FKBP10: variants seen among roughly 807,000 people sequenced by gnomAD.
FKBP10 encodes the protein peptidyl-prolyl cis-trans isomerase FKBP10.
FKBP10 carries 34 observed loss-of-function variants against 53.7 expected under a neutral mutation model. The ratio of observed to expected loss-of-function variants is 0.63; its 90% CI spans 0.48 to 0.84. The LOEUF (loss-of-function observed/expected upper bound fraction) is 0.84. Among genes scored for constraint, FKBP10 ranks in the 40% least tolerant of loss-of-function variants. The pLI is 0.00. For missense variants in FKBP10, 748 were observed against 797.8 expected (o/e 0.94, Z 0.75); for synonymous variants, 324 against 335.7 (o/e 0.97, Z 0.38).
intron 4 of FKBP10, 46 bp from the exon 5 acceptor site, chr17:41,819,164 C>T (rs2047854744): frequency 6.2e-7 from 1 of 1,603,168 alleles, no homozygotes; most frequent in Non-Finnish European, 8.5e-7. Flanking sequence ...GAAGGAGCCT[C>T]GGCTTGCTCC....
At chr17:41,822,117 G>GA (rs2047899790) in intron 9 of FKBP10, 106 bp from the exon 10 acceptor site, 5 of 1,183,882 alleles carry the variant, frequency 4.2e-6, no homozygotes, top group African/African-American at 1.5e-5. Flanking sequence ...GGGAGCCTGG[G>GA]AAAAAAGAAG....
At chr17:41,817,950 AACAAAAAT>A in intron 2 of FKBP10, 131 bp from the exon 3 acceptor site, 1 of 925,046 alleles carries the variant, frequency 1.1e-6, no homozygotes, top group Admixed American at 2.1e-5. Flanking sequence ...AAAAAAAAAA[AACAAAAAT>A]AGTGGCATCT....
rs1555615688 is a variant in FKBP10 at position 41,813,188 on chromosome 17, C to T, written c.154C>T (p.Pro52Ser). The stretch of plus-strand genomic sequence containing the variant: ...TGTGGTCATCGAGAGGTACCACATC[C>T]CCAGGGCCTGTCCCCGGGAAGTGCA... ...EDVVIERYHI[P>S]RACPREVQMG... Residue 52 changes from proline (P) to serine (S), a missense_variant, in exon 1 of 10, where the codon CCC (proline) becomes TCC (serine). Physicochemically the swap from Pro to Ser is moderately conservative, Grantham distance 74 (BLOSUM62 -1). Transcript: ENST00000321562. 1.2e-6 allele frequency: 2 copies of T among 1,613,216 alleles called. No individual in the cohort carries two copies. The highest frequency in any genetic ancestry group is 2.7e-5 in the African/African-American group (2 of 75,052).
intron 1 of FKBP10, among the ~76,000 whole-genome samples, chr17:41,813,837 C>T (rs781864760): frequency 1.3e-5 from 2 of 150,858 alleles, no homozygotes; most frequent in East Asian, 1.9e-4. Flanking sequence ...CTGGGGGTAG[C>T]GCGTGGCTCC....
intron 3 of FKBP10, 45 bp downstream of exon 3, chr17:41,818,323 T>C (rs201193694): frequency 6.2e-7 from 1 of 1,614,028 alleles, no homozygotes; most frequent in East Asian, 2.2e-5. Flanking sequence ...GACTGTGGCA[T>C]GGGGAGCGGG....
chr17:41,816,394 C>T (rs1317449895), intron 1 of FKBP10, among the ~76,000 whole-genome samples: 2 of 151,596 alleles, frequency 1.3e-5, no homozygotes, highest in African/African-American at 4.8e-5. Flanking sequence ...CCACACCTGG[C>T]TAATGTTTTG....
At chr17:41,820,585 C>T (rs2047879027) in intron 7 of FKBP10, 124 bp downstream of exon 7, 12 of 976,482 alleles carry the variant, frequency 1.2e-5, no homozygotes, top group South Asian at 1.1e-4. Context: ...AGCATTCAAC[C>T]TCTTGCTGCT....
In FKBP10 at chr17:41,813,025, T is replaced by A. The variant is rs782166587; in HGVS notation, c.-10T>A. The A allele has an allele frequency of 5.6e-6, 9 of 1,609,502 alleles. No homozygotes were observed. Among genetic ancestry groups the A allele is most frequent in the Non-Finnish European group, 7.6e-6 (9 of 1,179,498 alleles). ...CGCCCTCACTGCCGGCGGTCCCAAC[T>A]CCAGGCACCATGTTCCCCGCGGGCC... On this transcript the variant is annotated 5_prime_UTR_variant, in exon 1 of 10. Coordinates refer to ENST00000321562, the MANE Select transcript of FKBP10 (RefSeq NM_021939.4).
intron 2 of FKBP10, 28 bp downstream of exon 2, chr17:41,817,231 G>T (rs782507882): frequency 1.9e-6 from 3 of 1,608,602 alleles, no homozygotes; most frequent in Non-Finnish European, 2.5e-6. Flanking sequence ...ACAGGCCGGG[G>T]GTGGAGGAGA....
rs782600573 is a variant in FKBP10, at chr17:41,818,119, A to G, written c.422A>G (p.Tyr141Cys). The change falls in exon 3 of 10, where the codon TAC (tyrosine) becomes TGC (cysteine). Residue 141 changes from tyrosine (Y) to cysteine (C), a missense_variant. Coordinates refer to ENST00000321562, the MANE Select transcript of FKBP10 (RefSeq NM_021939.4). ...CTCATTCCACCGGATGCCACCCTCT[A>G]CTTCGATGTGGTTCTGCTGGATGTG... ...AGLIPPDATL[Y>C]FDVVLLDVWN... is the part of the protein sequence containing the mutation. 11 of 1,613,166 alleles carry G rather than the reference A, an allele frequency of 6.8e-6. No homozygotes were observed. The highest frequency in any genetic ancestry group is 3.3e-5 in the Admixed American group (2 of 59,926).
chr17:41,818,743 G>T, intron 4 of FKBP10: 1 of 589,750 alleles, frequency 1.7e-6, no homozygotes, highest in Non-Finnish European at 3.0e-6. Context: ...CAAGGCGGGA[G>T]GATCACGAGG....
At position 41,819,615 on chromosome 17, in the gene FKBP10, A is replaced by T; in HGVS notation, c.1003A>T (p.Met335Leu). 7 of 1,613,634 alleles carry T rather than the reference A, an allele frequency of 4.3e-6. No individual in the cohort carries two copies. The highest frequency in any genetic ancestry group is 5.9e-6 in the Non-Finnish European group (7 of 1,179,868). Residue 335 changes from methionine (M) to leucine (L), a missense_variant, in exon 6 of 10, where the codon ATG becomes TTG. Transcript: ENST00000321562. ...GMDQGLQGAC[M>L]GERRRITIPP... The stretch of plus-strand genomic sequence containing the variant: ...GGACCAGGGGCTGCAGGGTGCCTGC[A>T]TGGGGGAACGCCGGAGAATTACCAT...
rs1420012165 is a variant in FKBP10, at chr17:41,820,978, C to T, written c.1288C>T (p.Leu430Phe). 2 of 1,612,000 alleles carry T rather than the reference C, an allele frequency of 1.2e-6. No individual in the cohort carries two copies. The highest frequency in any genetic ancestry group is 1.7e-6 in the Non-Finnish European group (2 of 1,179,462). Residue 430 changes from leucine (L) to phenylalanine (F), a missense_variant, in exon 8 of 10, where the codon CTC (leucine) becomes TTC (phenylalanine). Transcript: ENST00000321562. ...HDYGAPQEATLGANKVIEGLD... is the reference protein window; with the variant it reads ...HDYGAPQEATFGANKVIEGLD... ...CTACGGGGCCCCCCAGGAGGCGACT[C>T]TCGGGGCCAACAAGGTGATCGAAGG...
In FKBP10 at chr17:41,817,051, C is replaced by A. The variant is rs782054815; in HGVS notation, c.246-7C>A. The stretch of plus-strand genomic sequence containing the variant: ...TCACTGTATCCCATCTGTCCCTCCC[C>A]CCCCAGCTATGATCGCAACACCTTG... On this transcript the variant is annotated splice_region_variant and splice_polypyrimidine_tract_variant and intron_variant, in intron 1 of 9. Transcript: ENST00000321562. 20 of 1,613,908 alleles carry A rather than the reference C, an allele frequency of 1.2e-5. No individual in the cohort carries two copies. The highest frequency in any genetic ancestry group is 1.7e-5 in the Non-Finnish European group (20 of 1,180,036).
rs781952038 is a variant in FKBP10 at position 41,818,510 on chromosome 17, A to G, written c.710A>G (p.Tyr237Cys). 2.5e-6 allele frequency: 4 copies of G among 1,614,030 alleles called. No homozygotes were observed. The highest frequency in any genetic ancestry group is 1.3e-5 in the African/African-American group (1 of 74,928). Reference protein sequence around the residue: ...RKIIIPPFLAYGEKGYGTVIP... With the variant: ...RKIIIPPFLACGEKGYGTVIP... Reference sequence around the variant, plus strand: ...ATTATCATCCCTCCATTCCTGGCCTATGGCGAGAAAGGCTATGGTGAGGGT... The same window carrying G: ...ATTATCATCCCTCCATTCCTGGCCTGTGGCGAGAAAGGCTATGGTGAGGGT... Residue 237 changes from tyrosine (Y) to cysteine (C), a missense_variant, in exon 4 of 10, where the codon TAT becomes TGT. Coordinates refer to ENST00000321562, the MANE Select transcript of FKBP10 (RefSeq NM_021939.4).
chr17:41,820,012 C>A, intron 6 of FKBP10: 1 of 1,497,256 alleles, frequency 6.7e-7, no homozygotes, highest in Non-Finnish European at 9.0e-7. Context: ...GCAAGCCATG[C>A]TGATCCGCAG....
At chr17:41,816,525 G>A (rs61597284) in intron 1 of FKBP10, among the ~76,000 whole-genome samples, 33,203 of 151,956 alleles carry the variant, frequency 0.22, 4,262 homozygotes, top group East Asian at 0.4. Context: ...AGAGCCAATA[G>A]TATAATGGCA....
rs1555616845 is a variant in FKBP10, at chr17:41,820,389, C to T, written c.1184C>T (p.Thr395Ile). ...CGGCCATCTGAGACCTGCAATGAGA[C>T]CACCAAGCTTGGGGACTTTGTTCGA... ...LSRPSETCNETTKLGDFVRYH... is the reference protein window; with the variant it reads ...LSRPSETCNEITKLGDFVRYH... Residue 395 changes from threonine to isoleucine, a missense_variant, in exon 7 of 10, where the codon ACC becomes ATC. Physicochemically the swap from Thr to Ile is moderately conservative, Grantham distance 89. Coordinates refer to ENST00000321562, the MANE Select transcript of FKBP10 (RefSeq NM_021939.4). The T allele has an allele frequency of 6.2e-7, 1 of 1,614,172 alleles. No homozygotes were observed. Among genetic ancestry groups the T allele is most frequent in the Admixed American group, 1.7e-5 (1 of 60,014 alleles).
intron 1 of FKBP10, among the ~76,000 whole-genome samples, chr17:41,813,771 G>T (rs1372466655): frequency 6.6e-6 from 1 of 152,122 alleles, no homozygotes; most frequent in Non-Finnish European, 1.5e-5. Context: ...AGTTTTCAGC[G>T]GCTGGTGGGC....
Sources: gnomAD v4.1 joint callset for allele counts (sites outside exome capture counted in the v4.1 genomes callset) on GRCh38, gnomAD v4.1.1 for gene constraint, MANE v1.5 for transcripts, NCBI Gene and HGNC (gene_info 2026-07-23, HGNC 2026-07-21) for gene names.